FHAD1: variants seen among roughly 807,000 people sequenced by gnomAD.
FHAD1 encodes forkhead-associated domain-containing protein 1.
A neutral mutation model predicts 191.3 loss-of-function variants in FHAD1; 146 were observed. The observed-to-expected ratio is 0.76, with a 90% CI of 0.67 to 0.88. FHAD1 has a LOEUF of 0.88. Ranked by LOEUF, FHAD1 falls within the 40% of genes least tolerant of loss-of-function variation. The pLI, the probability that FHAD1 is intolerant of heterozygous loss-of-function variation, is 0.00. For missense variants in FHAD1, 1,635 were observed against 1,785.8 expected, an observed-to-expected ratio of 0.92 and a Z score of 1.52; for synonymous variants, 616 against 672.3, an observed-to-expected ratio of 0.92 and a Z score of 1.29.
intron 14 of FHAD1, 35 bp from the exon 15 acceptor site, chr1:15,339,446 G>T (rs34208216): frequency 0.013 from 13,322 of 1,060,728 alleles, 124 homozygotes; most frequent in African/African-American, 0.04. Context: ...GAGTTGAATT[G>T]ATACTTACAT....
chr1:15,345,681 C>T (rs748079903), intron 18 of FHAD1, 158 bp downstream of exon 18: 2 of 638,994 alleles, frequency 3.1e-6, no homozygotes, highest in South Asian at 1.9e-5. Context: ...GCGTGGGAGA[C>T]TCAAGGAGGG....
intron 3 of FHAD1, among the ~76,000 whole-genome samples, chr1:15,272,741 T>G (rs1484157677): frequency 1.3e-5 from 2 of 152,216 alleles, no homozygotes; most frequent in Non-Finnish European, 2.9e-5. Context: ...TTCTGGGCAT[T>G]TCTTGGAGTT....
At chr1:15,355,066 A>G (rs1228129908) in intron 20 of FHAD1, among the ~76,000 whole-genome samples, 1 of 152,110 alleles carries the variant, frequency 6.6e-6, no homozygotes, top group Non-Finnish European at 1.5e-5. Flanking sequence ...AAAATTAGCC[A>G]GGCATGGTGG....
At chr1:15,362,148 A>G (rs1357315106) in intron 22 of FHAD1, among the ~76,000 whole-genome samples, 1 of 152,206 alleles carries the variant, frequency 6.6e-6, no homozygotes, top group African/African-American at 2.4e-5. Flanking sequence ...TGCACTCCAC[A>G]AATGTTAGTT....
Position 15,272,374 on chromosome 1 carries a change from T to C in FHAD1, c.145T>C (p.Cys49Arg). 1 of 1,551,538 alleles carries C rather than the reference T, an allele frequency of 6.4e-7. No homozygotes were observed. The highest frequency in any genetic ancestry group is 8.7e-7 in the Non-Finnish European group (1 of 1,146,962). ...HALIEYNEAE[C>R]SFVLQDFNSR... ...ACTCATTGAATATAACGAGGCGGAGTGCAGCTTTGTTCTCCAGGACTTCAA... is the reference window on the plus strand; with the variant it reads ...ACTCATTGAATATAACGAGGCGGAGCGCAGCTTTGTTCTCCAGGACTTCAA... The change falls in exon 3 of 34, where the codon TGC becomes CGC. Residue 49 changes from cysteine (C) to arginine (R), a missense_variant. Physicochemically the swap from Cys to Arg is radical, Grantham distance 180 (BLOSUM62 -3). Coordinates refer to ENST00000688493, the MANE Select transcript of FHAD1 (RefSeq NM_001391957.1).
chr1:15,326,983 C>A, intron 11 of FHAD1, 76 bp from the exon 12 acceptor site: 1 of 878,814 alleles, frequency 1.1e-6, no homozygotes, highest in Non-Finnish European at 1.9e-6. Flanking sequence ...GTTTCCCGCA[C>A]CCTGCCATGG....
downstream of FHAD1, among the ~76,000 whole-genome samples, chr1:15,400,594 G>C (rs781309891): frequency 1.7e-4 from 26 of 152,224 alleles, no homozygotes; most frequent in Non-Finnish European, 3.2e-4. Flanking sequence ...AAGGGCAGGT[G>C]CTCTTCTAGA....
In FHAD1 at chr1:15,368,719, C is replaced by T. The variant is rs144506481; in HGVS notation, c.3315-651C>T. Among the ~76,000 whole-genome samples, 19 of 152,270 alleles carry T rather than the reference C, an allele frequency of 1.2e-4. 1 individual carries two copies. In the East Asian group the frequency reaches 3.7e-3, roughly 29 times the overall value. ...CTTTGGGAGGCTGAGGCAGGTGAAT[C>T]ACCCGAGGTCAGGAGTTTGAGACTA... is the stretch of plus-strand genomic sequence containing the variant. On this transcript the variant is annotated intron_variant, in intron 25 of 33. Transcript: ENST00000688493.
rs772789713 is a variant in FHAD1 at position 15,311,481 on chromosome 1, A to G, written c.1040-1576A>G. ...CTCAAGCCAAATTCATTCTAGAGAA[A>G]AGGTCACTCTGGTCCCGCCTCACAA... is the stretch of plus-strand genomic sequence containing the variant. On this transcript the variant is annotated intron_variant, in intron 7 of 33. Coordinates refer to ENST00000688493, the MANE Select transcript of FHAD1 (RefSeq NM_001391957.1). The surrounding 1 kb of genome is among the most constrained non-coding windows in gnomAD (Gnocchi z 4.1). Among the ~76,000 whole-genome samples the G allele has an allele frequency of 3.3e-5, 5 of 152,138 alleles. No homozygotes were observed. Among genetic ancestry groups the G allele is most frequent in the Non-Finnish European group, 7.3e-5 (5 of 68,030 alleles).
chr1:15,324,467 CAGG>C lies in FHAD1; in HGVS notation c.1386_1388del (p.Glu462del). ...GTCATTTCAGGTTGAAGAGAAGCTT[CAGG>C]AGGATTCCAGAAGGAAATTGCTTCA... is the stretch of plus-strand genomic sequence containing the variant. On this transcript the variant is annotated inframe_deletion, in exon 11 of 34. Transcript: ENST00000688493. 2 of 1,551,858 alleles carry C rather than the reference CAGG, an allele frequency of 1.3e-6. No homozygotes were observed. The highest frequency in any genetic ancestry group is 2.7e-5 in the African/African-American group (2 of 73,138).
intron 32 of FHAD1, among the ~76,000 whole-genome samples, chr1:15,390,165 G>A (rs962727922): frequency 1.3e-5 from 2 of 152,066 alleles, no homozygotes. Context: ...GGCCAACATG[G>A]TGAAACCTCA....
chr1:15,283,698 CTG>C, intron 3 of FHAD1, among the ~76,000 whole-genome samples: 1 of 152,314 alleles, frequency 6.6e-6, no homozygotes, highest in Middle Eastern at 3.4e-3. Flanking sequence ...TGGGGGGAGA[CTG>C]CAGTTCTCTG....
At chr1:15,294,907 G>A (rs533575042) in intron 4 of FHAD1, among the ~76,000 whole-genome samples, 80 of 152,242 alleles carry the variant, frequency 5.3e-4, no homozygotes, top group African/African-American at 1.9e-3. Context: ...CTCTAAGGCC[G>A]AATCTTAATG....
At chr1:15,353,078 C>A in intron 20 of FHAD1, 94 bp downstream of exon 20, 1 of 896,764 alleles carries the variant, frequency 1.1e-6, no homozygotes, top group Non-Finnish European at 1.7e-6. Context: ...CTACCTCTCC[C>A]CATCCCTGGC....
chr1:15,329,028 T>G lies in FHAD1; in HGVS notation c.1711-318T>G. The G allele has an allele frequency of 5.2e-6, 1 of 191,320 alleles. No individual in the cohort carries two copies. The highest frequency in any genetic ancestry group is 1.1e-5 in the Non-Finnish European group (1 of 93,806). The allele number at this position is 191,320 out of a possible 1,614,324, so 11.9% of individuals were successfully genotyped here. A position where few individuals can be genotyped will look rare whatever the true frequency, so the allele number is the denominator to read the frequency against. ...GCTTGTGTGTTGATCTTGGCAGGAATTCTGACGAATGGAAAAAAGAAGTAG... is the reference window on the plus strand; with the variant it reads ...GCTTGTGTGTTGATCTTGGCAGGAAGTCTGACGAATGGAAAAAAGAAGTAG... On this transcript the variant is annotated intron_variant, in intron 13 of 33. Coordinates refer to ENST00000688493, the MANE Select transcript of FHAD1 (RefSeq NM_001391957.1). The surrounding 1 kb of genome is among the most constrained non-coding windows in gnomAD (Gnocchi z 5.0).
chr1:15,304,499 C>G (rs1669800696), intron 6 of FHAD1, among the ~76,000 whole-genome samples: 1 of 152,126 alleles, frequency 6.6e-6, no homozygotes, highest in East Asian at 1.9e-4. Context: ...GATGTATTTT[C>G]CCATCCCTTC....
intron 33 of FHAD1, among the ~76,000 whole-genome samples, chr1:15,394,264 G>A: frequency 6.6e-6 from 1 of 152,176 alleles, no homozygotes; most frequent in Admixed American, 6.5e-5. Context: ...TGGGGCTGGA[G>A]ACCTGGGGAC....
chr1:15,333,706 G>A (rs1379140126), intron 14 of FHAD1, among the ~76,000 whole-genome samples: 1 of 151,970 alleles, frequency 6.6e-6, no homozygotes. Context: ...GAAAGCATGG[G>A]TTGTTTAGCT....
intron 2 of FHAD1, among the ~76,000 whole-genome samples, chr1:15,266,562 G>T (rs1653613667): frequency 6.6e-6 from 1 of 152,044 alleles, no homozygotes; most frequent in Non-Finnish European, 1.5e-5. Context: ...TACATTTGTT[G>T]CAATTGATGA....
Sources: gnomAD v4.1 joint callset for allele counts (sites outside exome capture counted in the v4.1 genomes callset) on GRCh38, gnomAD v4.1.1 for gene constraint, Gnocchi (gnomAD v3.1) non-coding constraint, MANE v1.5 for transcripts, NCBI Gene and HGNC (gene_info 2026-07-23, HGNC 2026-07-21) for gene names.